The following SYNE1 variants were observed in gnomAD, a reference collection of about 807,000 sequenced individuals.
SYNE1 encodes nesprin-1.
A neutral mutation model predicts 1,111.0 loss-of-function variants in SYNE1; 616 were observed. That is an observed-to-expected ratio of 0.55 (90% CI 0.52 to 0.59). The LOEUF (loss-of-function observed/expected upper bound fraction) is 0.59, where lower values mean the gene tolerates loss of function less well. SYNE1 is among the 20% of genes least tolerant of loss of function. The pLI is 0.00. For missense variants in SYNE1, 10,006 were observed against 10,417.0 expected (o/e 0.96, Z 1.72); for synonymous variants, 3,855 against 3,825.8 (o/e 1.01, Z -0.28).
At chr6:152,302,203 G>A (rs2095211688) in intron 91 of SYNE1, 140 bp from the exon 92 acceptor site, 1 of 1,125,642 alleles carries the variant, frequency 8.9e-7, no homozygotes, top group African/African-American at 1.5e-5. Context: ...TAGGCGGCGA[G>A]TCCTCCTGCA....
At position 152,449,602 on chromosome 6, in the gene SYNE1, T is replaced by A. The variant is rs759359527; in HGVS notation, c.3435A>T (p.Thr1145=). ...CCTCACCCTTGATCCCCTTTAATTG[T>A]GTCTCATTTGTAGATATCCAAGATG... ...EFSSWISTNE[T]QLKGIKGEAI... The change falls in exon 28 of 146, where the codon ACA becomes ACT. Residue 1145 remains threonine, a synonymous_variant. Coordinates refer to ENST00000367255, the MANE Select transcript of SYNE1 (RefSeq NM_182961.4). 1.3e-4 allele frequency: 203 copies of A among 1,613,998 alleles called. No individual in the cohort carries two copies. The highest frequency in any genetic ancestry group is 1.7e-4 in the Non-Finnish European group (200 of 1,179,988).
chr6:152,630,631 A>AAATC (rs1231286591), intron 2 of SYNE1, among the ~76,000 whole-genome samples: 1 of 152,218 alleles, frequency 6.6e-6, no homozygotes, highest in Non-Finnish European at 1.5e-5. Context: ...TAACTTTCTG[A>AAATC]AATCAATCAA....
intron 28 of SYNE1, among the ~76,000 whole-genome samples, chr6:152,448,261 G>C (rs984266034): frequency 6.6e-6 from 1 of 152,156 alleles, no homozygotes; most frequent in Non-Finnish European, 1.5e-5. Context: ...GACCTTGAAG[G>C]GCTGCTGACT....
chr6:152,324,812 A>C (rs1246690450), intron 81 of SYNE1, among the ~76,000 whole-genome samples: 4 of 152,318 alleles, frequency 2.6e-5, no homozygotes, highest in South Asian at 2.1e-4. Flanking sequence ...AAAAAGAAAG[A>C]AAGCAAATGG....
At chr6:152,302,094 A>G in intron 91 of SYNE1, 31 bp from the exon 92 acceptor site, 1 of 1,613,694 alleles carries the variant, frequency 6.2e-7, no homozygotes, top group Non-Finnish European at 8.5e-7. Flanking sequence ...CCGGGGTGTC[A>G]GAGCAGCATC....
intron 2 of SYNE1, among the ~76,000 whole-genome samples, chr6:152,635,184 A>G (rs1404195704): frequency 6.6e-6 from 1 of 152,272 alleles, no homozygotes; most frequent in Non-Finnish European, 1.5e-5. Context: ...CAAGTAAAAA[A>G]GAGTTCTTAA....
In SYNE1 at chr6:152,449,213, A is replaced by G. The variant is rs577693670; in HGVS notation, c.3504+320T>C. ...GAAAATGTATTGTATAAAAGCATAC[A>G]GTGTTCTTGTTTTCCATGATGATTC... On this transcript the variant is annotated intron_variant, in intron 28 of 145. Coordinates refer to ENST00000367255, the MANE Select transcript of SYNE1 (RefSeq NM_182961.4). Among the ~76,000 whole-genome samples the G allele has an allele frequency of 4.1e-4, 62 of 152,292 alleles. 1 individual carries two copies. In the South Asian group the frequency reaches 8.9e-3, roughly 22 times the overall value.
At chr6:152,384,836 T>C (rs1001833210) in intron 55 of SYNE1, among the ~76,000 whole-genome samples, 3 of 150,612 alleles carry the variant, frequency 2.0e-5, no homozygotes, top group African/African-American at 7.4e-5. Context: ...GCCAAGATCG[T>C]GCCACTGCAC....
Position 152,483,184 on chromosome 6 carries a change from C to A in SYNE1, c.1251G>T (p.Trp417Cys), listed in dbSNP as rs747237480. Reference sequence around the variant, plus strand: ...TCAGGGCCACCTCCGCTCTGTACAGCCAGGCACCTATGGTGCCCAGAGGTG... The same window carrying A: ...TCAGGGCCACCTCCGCTCTGTACAGACAGGCACCTATGGTGCCCAGAGGTG... ...LPAPLGTIGA[W>C]LYRAEVALRE... The change falls in exon 14 of 146, where the codon TGG becomes TGT. Residue 417 changes from tryptophan to cysteine, a missense_variant. Around this residue, in one of 7 missense-constraint regions of SYNE1, gnomAD observed 1,971 missense variants for 2,084.1 expected, o/e 0.95. Coordinates refer to ENST00000367255, the MANE Select transcript of SYNE1 (RefSeq NM_182961.4). 11 of 1,614,026 alleles carry A rather than the reference C, an allele frequency of 6.8e-6. No individual in the cohort carries two copies.
In SYNE1 at chr6:152,451,101, T is replaced by C; in HGVS notation, c.3132A>G (p.Arg1044=). The change falls in exon 26 of 146, where the codon CGA becomes CGG. Residue 1044 remains arginine (R), a synonymous_variant. Coordinates refer to ENST00000367255, the MANE Select transcript of SYNE1 (RefSeq NM_182961.4). The part of the protein sequence containing the change: ...SVEECRTELD[R]ETKLMPQEGS... ...CTTCCTGGGGCATCAGCTTGGTCTC[T>C]CGATCCAGCTCAGTTCTGCATTCTT... The C allele has an allele frequency of 6.2e-7, 1 of 1,614,164 alleles. No individual in the cohort carries two copies. Among genetic ancestry groups the C allele is most frequent in the Admixed American group, 1.7e-5 (1 of 60,020 alleles).
At chr6:152,247,750 T>TATATACACACAC (rs1432898834) in intron 105 of SYNE1, among the ~76,000 whole-genome samples, 47 of 112,360 alleles carry the variant, frequency 4.2e-4, no homozygotes, top group African/African-American at 1.4e-3. Context: ...TATATATATA[T>TATATACACACAC]ACACACACAC....
At chr6:152,343,402 G>C (rs2096572975) in intron 74 of SYNE1, among the ~76,000 whole-genome samples, 1 of 150,320 alleles carries the variant, frequency 6.7e-6, no homozygotes, top group Non-Finnish European at 1.5e-5. Context: ...TGTGTGGTCG[G>C]CCCGCCTTGG....
intron 3 of SYNE1, among the ~76,000 whole-genome samples, chr6:152,627,552 T>A (rs1488523381): frequency 6.6e-6 from 1 of 151,644 alleles, no homozygotes; most frequent in Non-Finnish European, 1.5e-5. Flanking sequence ...CAGCTACTTG[T>A]GAGGCTGAGG....
At chr6:152,188,428 C>T (rs1554515230) in intron 128 of SYNE1, among the ~76,000 whole-genome samples, 1 of 151,858 alleles carries the variant, frequency 6.6e-6, no homozygotes, top group Non-Finnish European at 1.5e-5. Flanking sequence ...TTTTTTAAAA[C>T]GTTGTGCACA....
chr6:152,400,459 T>C (rs146392706), intron 47 of SYNE1, among the ~76,000 whole-genome samples: 2,026 of 152,010 alleles, frequency 0.013, 56 homozygotes, highest in African/African-American at 0.046. Flanking sequence ...AGGTCAGGAG[T>C]TCGAGACCAG....
At chr6:152,616,352 C>T (rs2128861875) in intron 3 of SYNE1, among the ~76,000 whole-genome samples, 1 of 152,136 alleles carries the variant, frequency 6.6e-6, no homozygotes, top group African/African-American at 2.4e-5. Flanking sequence ...GCAGGAGCAT[C>T]GCTTGATTCC....
chr6:152,516,560 G>T (rs2099112793), intron 6 of SYNE1, among the ~76,000 whole-genome samples: 1 of 152,020 alleles, frequency 6.6e-6, no homozygotes, highest in South Asian at 2.1e-4. Flanking sequence ...GAGAATGAAT[G>T]ACCTGAAAAA....
At chr6:152,427,218 C>T (rs986299374) in intron 38 of SYNE1, among the ~76,000 whole-genome samples, 12 of 152,046 alleles carry the variant, frequency 7.9e-5, no homozygotes, top group African/African-American at 2.9e-4. Context: ...TTTTTTCTGT[C>T]TTCCATAAGA....
intron 75 of SYNE1, among the ~76,000 whole-genome samples, chr6:152,337,250 T>C (rs2096414629): frequency 6.6e-6 from 1 of 152,150 alleles, no homozygotes; most frequent in South Asian, 2.1e-4. Context: ...TGTCTACAAG[T>C]TATGCTATAT....
Sources: allele counts gnomAD v4.1 joint callset (sites outside exome capture counted in the v4.1 genomes callset), GRCh38; gene constraint gnomAD v4.1.1; regional missense constraint gnomAD v4.1.1; transcripts MANE v1.5; gene names NCBI Gene and HGNC (gene_info 2026-07-23, HGNC 2026-07-21).